Variants in SGCG observed in about 807,000 individuals in gnomAD.
SGCG encodes gamma-sarcoglycan.
In SGCG, 26 loss-of-function variants were observed where a neutral mutation model predicts 29.3. The observed-to-expected ratio is 0.89, with a 90% confidence interval of 0.65 to 1.23. The LOEUF (loss-of-function observed/expected upper bound fraction) is 1.23. Among genes scored for constraint, SGCG ranks in the 50% most tolerant of loss-of-function variants. The pLI is 0.00. For missense variants in SGCG, 353 were observed against 356.0 expected, an observed-to-expected ratio of 0.99 and a Z score of 0.07; for synonymous variants, 145 against 129.7, an observed-to-expected ratio of 1.12 and a Z score of -0.80.
At chr13:23,249,647 A>G (rs952519872) in intron 3 of SGCG, among the ~76,000 whole-genome samples, 1 of 152,194 alleles carries the variant, frequency 6.6e-6, no homozygotes, top group Admixed American at 6.5e-5. Context: ...TCAATAGTAG[A>G]GTCAAATATT....
chr13:23,192,207 C>T (rs1165737766), intron 1 of SGCG, among the ~76,000 whole-genome samples: 2 of 151,804 alleles, frequency 1.3e-5, no homozygotes, highest in East Asian at 3.9e-4. Flanking sequence ...GAAGTTTCAG[C>T]CTATGAATCA....
At chr13:23,186,005 G>A (rs949421856) in intron 1 of SGCG, among the ~76,000 whole-genome samples, 11 of 152,144 alleles carry the variant, frequency 7.2e-5, no homozygotes, top group African/African-American at 2.7e-4. Context: ...GAACACTGAG[G>A]GAATATTAAT....
At chr13:23,201,962 G>T (rs888812718) in intron 1 of SGCG, among the ~76,000 whole-genome samples, 3 of 152,196 alleles carry the variant, frequency 2.0e-5, no homozygotes, top group Non-Finnish European at 2.9e-5. Context: ...GGTTGAGAGT[G>T]ACTGCGTGTC....
intron 6 of SGCG, among the ~76,000 whole-genome samples, chr13:23,304,986 C>T (rs1417470766): frequency 7.2e-5 from 3 of 41,518 alleles, no homozygotes; most frequent in Admixed American, 3.3e-4. Flanking sequence ...TGCTCACAGG[C>T]GTGCACGTGC....
At chr13:23,214,306 C>A (rs1878345159) in intron 2 of SGCG, among the ~76,000 whole-genome samples, 1 of 152,210 alleles carries the variant, frequency 6.6e-6, no homozygotes, top group South Asian at 2.1e-4. Flanking sequence ...GCTCCCATCT[C>A]CCAGACTGCA....
At chr13:23,252,043 T>C (rs1879988629) in intron 4 of SGCG, among the ~76,000 whole-genome samples, 1 of 152,220 alleles carries the variant, frequency 6.6e-6, no homozygotes, top group South Asian at 2.1e-4. Flanking sequence ...GTATCTCTCT[T>C]TGGCCTGGAA....
At chr13:23,188,111 G>A (rs974658696) in intron 1 of SGCG, among the ~76,000 whole-genome samples, 36 of 152,226 alleles carry the variant, frequency 2.4e-4, no homozygotes, top group Middle Eastern at 3.4e-3. Context: ...ATTTTTCCAA[G>A]GCCAGAACCT....
At chr13:23,265,789 G>A (rs1458851565) in intron 4 of SGCG, among the ~76,000 whole-genome samples, 1 of 152,046 alleles carries the variant, frequency 6.6e-6, no homozygotes, top group Non-Finnish European at 1.5e-5. Flanking sequence ...ATACGAATGT[G>A]GTGAAAAAGG....
intron 3 of SGCG, among the ~76,000 whole-genome samples, chr13:23,248,042 A>G (rs1879786904): frequency 1.1e-5 from 1 of 87,564 alleles, no homozygotes; most frequent in Non-Finnish European, 2.7e-5. Flanking sequence ...TGGAAGGCCA[A>G]AGCGGGTGGA....
chr13:23,172,294 C>T, the SGCG span, among the ~76,000 whole-genome samples: 10 of 152,174 alleles, frequency 6.6e-5, no homozygotes, highest in African/African-American at 2.4e-4. Context: ...GCAATCTCCA[C>T]GTTTGTTCAT....
intron 2 of SGCG, among the ~76,000 whole-genome samples, chr13:23,210,959 C>G (rs772111685): frequency 3.3e-5 from 5 of 151,990 alleles, no homozygotes; most frequent in Non-Finnish European, 5.9e-5. Context: ...TCATGGGACC[C>G]AATAAATACA....
intron 5 of SGCG, among the ~76,000 whole-genome samples, chr13:23,285,712 T>G (rs906558903): frequency 6.6e-6 from 1 of 152,214 alleles, no homozygotes; most frequent in Non-Finnish European, 1.5e-5. Context: ...CCCAGTTTTG[T>G]GCTTGAAATC....
the SGCG span, chr13:23,169,814 A>G: frequency 2.0e-5 from 3 of 152,166 alleles, no homozygotes; most frequent in Admixed American, 2.0e-4. Context: ...GTTGCAAATG[A>G]TCAAACACCA....
rs375592456 is a variant in SGCG, at chr13:23,295,438, C to T, written c.529C>T (p.His177Tyr). 1.2e-5 allele frequency: 19 copies of T among 1,614,006 alleles called. No individual in the cohort carries two copies. The African/African-American group carries it at 1.6e-4, about 14-fold the overall frequency. The change falls in exon 6 of 8, where the codon CAT becomes TAT. Residue 177 changes from histidine to tyrosine, a missense_variant. Transcript: ENST00000218867. ...AGGGCCTGAAGGGGCTCTTTTTGAA[C>T]ATTCAGTGGAGACACCCCTTGTCAG... ...VTGPEGALFE[H>Y]SVETPLVRAD... is the part of the protein sequence containing the mutation.
chr13:23,205,774 G>A (rs557029378), intron 2 of SGCG, among the ~76,000 whole-genome samples: 15 of 151,988 alleles, frequency 9.9e-5, no homozygotes, highest in Non-Finnish European at 1.9e-4. Context: ...TTTCTAGTGA[G>A]ATATGGTCAT....
chr13:23,285,524 A>G (rs1430049125), intron 5 of SGCG, among the ~76,000 whole-genome samples: 1 of 152,200 alleles, frequency 6.6e-6, no homozygotes, highest in Non-Finnish European at 1.5e-5. Flanking sequence ...TTTCAAGCCA[A>G]TGGATCTTAG....
chr13:23,297,363 AG>A (rs1187511070), intron 6 of SGCG, among the ~76,000 whole-genome samples: 3 of 152,172 alleles, frequency 2.0e-5, no homozygotes. Flanking sequence ...GTGGGAAATC[AG>A]GGGTCTCACA....
chr13:23,274,100 T>TA (rs1566025993), intron 4 of SGCG, among the ~76,000 whole-genome samples: 1 of 152,348 alleles, frequency 6.6e-6, no homozygotes, highest in Non-Finnish European at 1.5e-5. Flanking sequence ...ATTTTAGCAT[T>TA]AAAAATCTTT....
chr13:23,285,303 G>T (rs1186086688), intron 5 of SGCG, among the ~76,000 whole-genome samples: 2 of 152,198 alleles, frequency 1.3e-5, no homozygotes, highest in South Asian at 4.2e-4. Flanking sequence ...GAGATGCCCT[G>T]CCCAGAGAGG....
Sources: gnomAD v4.1 joint callset for allele counts (sites outside exome capture counted in the v4.1 genomes callset) on GRCh38, gnomAD v4.1.1 for gene constraint, MANE v1.5 for transcripts, NCBI Gene and HGNC (gene_info 2026-07-23, HGNC 2026-07-21) for gene names.